Variants in PPP3CA observed in about 807,000 individuals in gnomAD.
The protein encoded by PPP3CA is CAM-PRP catalytic subunit.
Under a neutral mutation model 66.5 loss-of-function variants are expected in PPP3CA, and 14 were observed. That is an observed-to-expected ratio of 0.21 (90% CI 0.14 to 0.33). The LOEUF (loss-of-function observed/expected upper bound fraction) is 0.33, where lower values mean the gene tolerates loss of function less well. PPP3CA is among the 10% of genes least tolerant of loss of function. The probability of loss-of-function intolerance (pLI) is 1.00; values close to 1 mark genes in which losing one functional copy is unlikely to be tolerated. For missense variants in PPP3CA, 317 were observed against 639.5 expected (o/e 0.50, Z 5.44); for synonymous variants, 232 against 226.2 (o/e 1.03, Z -0.23).
intron 1 of PPP3CA, among the ~76,000 whole-genome samples, chr4:101,196,945 C>T (rs1392671326): frequency 6.6e-6 from 1 of 152,170 alleles, no homozygotes; most frequent in African/African-American, 2.4e-5. Context: ...TCTAGCTTGC[C>T]CTGCATCCAA....
intron 1 of PPP3CA, among the ~76,000 whole-genome samples, chr4:101,307,096 A>G (rs1728558373): frequency 6.6e-6 from 1 of 151,950 alleles, no homozygotes; most frequent in Middle Eastern, 3.2e-3. Context: ...CCTAGCAAAA[A>G]CATTAAACTT....
intron 2 of PPP3CA, among the ~76,000 whole-genome samples, chr4:101,173,986 A>G (rs1341960300): frequency 6.6e-6 from 1 of 152,040 alleles, no homozygotes; most frequent in Non-Finnish European, 1.5e-5. Flanking sequence ...CAGGCATTCG[A>G]GGCTGCTGTG....
intron 9 of PPP3CA, among the ~76,000 whole-genome samples, chr4:101,062,105 ATAAT>A (rs1728488563): frequency 6.6e-6 from 1 of 152,050 alleles, no homozygotes; most frequent in Non-Finnish European, 1.5e-5. Context: ...CCAAATTTTA[ATAAT>A]TAATAGAAAC....
rs542592095 is a variant in PPP3CA, at chr4:101,036,084, G to A, written c.1242-3720C>T. On this transcript the variant is annotated intron_variant, in intron 11 of 13. Coordinates refer to ENST00000394854, the MANE Select transcript of PPP3CA (RefSeq NM_000944.5). ...AAAATACACATGGGATTTCAAAGAT[G>A]TAGTACAAATATAAGAATAGAAAAT... Among the ~76,000 whole-genome samples the A allele has an allele frequency of 5.9e-5, 9 of 152,212 alleles. No individual in the cohort carries two copies. In the East Asian group the frequency reaches 7.7e-4, roughly 13 times the overall value.
At chr4:101,321,520 C>T (rs1402001584) in intron 1 of PPP3CA, among the ~76,000 whole-genome samples, 12 of 152,256 alleles carry the variant, frequency 7.9e-5, no homozygotes, top group Middle Eastern at 3.4e-3. Flanking sequence ...AATGTCATTC[C>T]ATCTTCGGTA....
intron 1 of PPP3CA, among the ~76,000 whole-genome samples, chr4:101,261,961 G>T (rs1427199727): frequency 6.6e-6 from 1 of 151,342 alleles, no homozygotes; most frequent in Non-Finnish European, 1.5e-5. Context: ...TTTTTCTGTA[G>T]GATTAAAGTA....
intron 3 of PPP3CA, among the ~76,000 whole-genome samples, chr4:101,104,726 A>G (rs1730585689): frequency 6.6e-6 from 1 of 151,694 alleles, no homozygotes; most frequent in Admixed American, 6.6e-5. Context: ...AAAAATCCTT[A>G]AAGTATTTTC....
intron 1 of PPP3CA, among the ~76,000 whole-genome samples, chr4:101,342,546 T>C (rs1261876608): frequency 6.6e-6 from 1 of 152,196 alleles, no homozygotes; most frequent in Non-Finnish European, 1.5e-5. Context: ...GCTGGAACTA[T>C]GTTGTTTATA....
chr4:101,283,449 T>C (rs1405088483), intron 1 of PPP3CA, among the ~76,000 whole-genome samples: 2 of 152,216 alleles, frequency 1.3e-5, no homozygotes, highest in Non-Finnish European at 2.9e-5. Context: ...TTACTCAACA[T>C]AGAGTGGTAT....
At chr4:101,106,453 G>GAAAGAAAGAAGAGAAAAGAAA (rs775018059) in intron 3 of PPP3CA, among the ~76,000 whole-genome samples, 10 of 35,512 alleles carry the variant, frequency 2.8e-4, no homozygotes, top group Non-Finnish European at 3.7e-4. Flanking sequence ...AAGAAAGAAA[G>GAAAGAAAGAAGAGAAAAGAAA]AGAAAAGAAA....
rs1240741031 is a variant in PPP3CA, at chr4:101,098,286, G to A, written c.642+81C>T. On this transcript the variant is annotated intron_variant, in intron 5 of 13. Transcript: ENST00000394854. ...TTGAACTCAAAAGAATAAAGTCAGT[G>A]ATAAAGGCAGGGTAATTAATGTCTT... 1.0e-5 allele frequency: 14 copies of A among 1,387,894 alleles called. No homozygotes were observed. In the Admixed American group the frequency reaches 3.7e-4, roughly 37 times the overall value. 86.0% of individuals were successfully genotyped at this position (1,387,894 alleles called of 1,614,324 possible). A position where few individuals can be genotyped will look rare whatever the true frequency, so the allele number is the denominator to read the frequency against.
intron 1 of PPP3CA, among the ~76,000 whole-genome samples, chr4:101,209,782 G>T (rs1240828265): frequency 6.6e-6 from 1 of 152,100 alleles, no homozygotes; most frequent in Non-Finnish European, 1.5e-5. Flanking sequence ...AATAATTAGG[G>T]ATATGTTAAG....
At chr4:101,322,408 CTTTTTT>C (rs1254595877) in intron 1 of PPP3CA, among the ~76,000 whole-genome samples, 1 of 134,138 alleles carries the variant, frequency 7.5e-6, no homozygotes. Flanking sequence ...CTACTGACAT[CTTTTTT>C]TTTTTTTTTT....
At chr4:101,106,873 C>A (rs1730779029) in intron 3 of PPP3CA, among the ~76,000 whole-genome samples, 1 of 152,198 alleles carries the variant, frequency 6.6e-6, no homozygotes, top group East Asian at 1.9e-4. Context: ...GGCCCTGGCA[C>A]CACGCTGTGC....
At chr4:101,281,475 T>C (rs1289145679) in intron 1 of PPP3CA, among the ~76,000 whole-genome samples, 1 of 152,208 alleles carries the variant, frequency 6.6e-6, no homozygotes, top group African/African-American at 2.4e-5. Flanking sequence ...AAAGAAGCCT[T>C]GGCTCTTCTT....
chr4:101,106,458 A>AGAAAGAAGAGAAGAGAAG lies in PPP3CA; in HGVS notation c.384+2495_384+2496insCTTCTCTTCTCTTCTTTC, dbSNP rs1560605216. ...GAAAGAAAGAAAGAAAGAAAGAGAA[A>AGAAAGAAGAGAAGAGAAG]AGAAAAGAAAAGAAAAGAAAAGAAA... On this transcript the variant is annotated intron_variant, in intron 3 of 13. Transcript: ENST00000394854. Among the ~76,000 whole-genome samples the AGAAAGAAGAGAAGAGAAG allele has an allele frequency of 8.9e-4, 29 of 32,676 alleles. 1 individual carries two copies. Among genetic ancestry groups the AGAAAGAAGAGAAGAGAAG allele is most frequent in the Non-Finnish European group, 1.2e-3 (21 of 17,306 alleles). The allele number at this position is 32,676 out of a possible 152,430, so 21.4% of individuals were successfully genotyped here. A position where few individuals can be genotyped will look rare whatever the true frequency, so the allele number is the denominator to read the frequency against.
chr4:101,345,589 A>G (rs1039972206), intron 1 of PPP3CA, among the ~76,000 whole-genome samples: 1 of 152,066 alleles, frequency 6.6e-6, no homozygotes, highest in African/African-American at 2.4e-5. Context: ...GTGAGATACT[A>G]CTTAATCCAA....
intron 6 of PPP3CA, among the ~76,000 whole-genome samples, chr4:101,092,021 G>C (rs1423179627): frequency 6.6e-6 from 1 of 151,972 alleles, no homozygotes; most frequent in African/African-American, 2.4e-5. Flanking sequence ...TAGTGAAACT[G>C]AGGAAGATCA....
At chr4:101,068,117 T>A (rs577221816) in intron 8 of PPP3CA, among the ~76,000 whole-genome samples, 1 of 152,134 alleles carries the variant, frequency 6.6e-6, no homozygotes, top group East Asian at 1.9e-4. Context: ...CTGTCTTTCA[T>A]CTCCTTATCT....
Sources: gnomAD v4.1 joint callset for allele counts (sites outside exome capture counted in the v4.1 genomes callset) on GRCh38, gnomAD v4.1.1 for gene constraint, MANE v1.5 for transcripts, NCBI Gene and HGNC (gene_info 2026-07-23, HGNC 2026-07-21) for gene names.